STRN3: variants seen among roughly 807,000 people sequenced by gnomAD.
The protein encoded by STRN3 is striatin 3, also known as striatin-3.
STRN3 carries 29 observed loss-of-function variants against 95.6 expected under a neutral mutation model. The ratio of observed to expected loss-of-function variants is 0.30; its 90% CI spans 0.23 to 0.41. STRN3 has a LOEUF of 0.41. Among genes scored for constraint, STRN3 ranks in the 10% least tolerant of loss-of-function variants. The pLI is 1.00. For missense variants in STRN3, 890 were observed against 972.1 expected (o/e 0.92, Z 1.12); for synonymous variants, 331 against 357.6 (o/e 0.93, Z 0.84).
chr14:30,932,500 A>C (rs1230437424), intron 7 of STRN3: 2 of 152,148 alleles, frequency 1.3e-5, no homozygotes, highest in East Asian at 3.8e-4. Flanking sequence ...ACGATCTTGT[A>C]CTTAAATGAG....
intron 2 of STRN3, among the ~76,000 whole-genome samples, 159 bp from the exon 3 acceptor site, chr14:30,955,852 G>T (rs1456774388): frequency 1.3e-5 from 2 of 151,980 alleles, no homozygotes; most frequent in Non-Finnish European, 2.9e-5. Flanking sequence ...GAAAAAAAAG[G>T]TAAGTTTCCC....
intron 15 of STRN3, among the ~76,000 whole-genome samples, chr14:30,903,127 T>C (rs1245540028): frequency 7.2e-5 from 11 of 152,124 alleles, no homozygotes. Context: ...TCTTACTAAC[T>C]TTTTATTAAA....
chr14:30,961,344 T>C (rs545202953), intron 1 of STRN3, among the ~76,000 whole-genome samples: 21 of 152,190 alleles, frequency 1.4e-4, no homozygotes, highest in Admixed American at 1.0e-3. Flanking sequence ...AAGAACATTA[T>C]ATACAGTCAT....
At chr14:30,932,751 C>T (rs1297289497) in intron 7 of STRN3, among the ~76,000 whole-genome samples, 1 of 152,154 alleles carries the variant, frequency 6.6e-6, no homozygotes, top group African/African-American at 2.4e-5. Flanking sequence ...GAAATAATGC[C>T]ATTCCATATA....
At chr14:30,962,005 T>C (rs996081211) in intron 1 of STRN3, among the ~76,000 whole-genome samples, 3 of 152,142 alleles carry the variant, frequency 2.0e-5, no homozygotes, top group Non-Finnish European at 2.9e-5. Flanking sequence ...GAAGAAGATA[T>C]TGTTGTCATG....
chr14:30,924,285 A>ATTTTTTTTTTTTTTTT (rs1566438140), intron 8 of STRN3, among the ~76,000 whole-genome samples: 2 of 33,558 alleles, frequency 6.0e-5, no homozygotes, highest in African/African-American at 2.0e-4. Context: ...CATGCCTTAA[A>ATTTTTTTTTTTTTTTT]TCTTTTTTTT....
intron 1 of STRN3, among the ~76,000 whole-genome samples, chr14:31,008,323 T>C (rs1293458272): frequency 6.6e-6 from 1 of 151,344 alleles, no homozygotes; most frequent in Non-Finnish European, 1.5e-5. Flanking sequence ...AGCCTATACA[T>C]CATGGCAAAA....
chr14:30,949,629 A>C (rs1331715269), intron 4 of STRN3, among the ~76,000 whole-genome samples: 1 of 151,928 alleles, frequency 6.6e-6, no homozygotes, highest in Non-Finnish European at 1.5e-5. Context: ...GGTGATAGTG[A>C]GCAGAGATTG....
intron 8 of STRN3, among the ~76,000 whole-genome samples, chr14:30,925,098 A>AC (rs1314824687): frequency 1.3e-5 from 2 of 152,168 alleles, no homozygotes; most frequent in Admixed American, 1.3e-4. Context: ...ACTGACTCTT[A>AC]GAGTACTAAT....
At chr14:30,905,836 T>C (rs1896447335) in intron 14 of STRN3, among the ~76,000 whole-genome samples, 1 of 152,240 alleles carries the variant, frequency 6.6e-6, no homozygotes, top group Admixed American at 6.5e-5. Context: ...ATTTGTTCTA[T>C]TACACGTTTT....
At chr14:31,007,256 C>T (rs1055838978) in intron 1 of STRN3, among the ~76,000 whole-genome samples, 1 of 152,162 alleles carries the variant, frequency 6.6e-6, no homozygotes, top group African/African-American at 2.4e-5. Flanking sequence ...AAGTCTACAT[C>T]AGAGCAAGAG....
At chr14:30,967,675 A>C (rs1242565040) in intron 1 of STRN3, among the ~76,000 whole-genome samples, 1 of 152,264 alleles carries the variant, frequency 6.6e-6, no homozygotes, top group East Asian at 1.9e-4. Flanking sequence ...AGGAAACCCC[A>C]TTGTGAGCAC....
chr14:30,917,552 A>AT (rs1398180358), intron 9 of STRN3, among the ~76,000 whole-genome samples: 1 of 149,272 alleles, frequency 6.7e-6, no homozygotes, highest in East Asian at 1.9e-4. Context: ...AATGCATAAA[A>AT]TTAAAAAAAA....
At chr14:30,923,224 T>A (rs1896928460) in intron 8 of STRN3, among the ~76,000 whole-genome samples, 1 of 152,212 alleles carries the variant, frequency 6.6e-6, no homozygotes. Context: ...TTTTGGATAT[T>A]TGGCTTCAAG....
chr14:30,984,849 T>G (rs990514020), intron 1 of STRN3, among the ~76,000 whole-genome samples: 1 of 152,108 alleles, frequency 6.6e-6, no homozygotes, highest in Non-Finnish European at 1.5e-5. Context: ...ATTTTGACAT[T>G]CAGAACTCTA....
At chr14:30,946,976 T>C (rs1879391691) in intron 5 of STRN3, 114 bp downstream of exon 5, 3 of 674,780 alleles carry the variant, frequency 4.4e-6, no homozygotes, top group Non-Finnish European at 6.5e-6. Flanking sequence ...CAAGACTCCG[T>C]GTCAAAAAAA....
chr14:30,990,223 C>T (rs901650827), intron 1 of STRN3, among the ~76,000 whole-genome samples: 9 of 149,950 alleles, frequency 6.0e-5, no homozygotes, highest in Non-Finnish European at 1.0e-4. Context: ...AGTACAGTGG[C>T]GCAATCTCGG....
At chr14:30,975,608 A>G (rs1052329096) in intron 1 of STRN3, among the ~76,000 whole-genome samples, 9 of 152,062 alleles carry the variant, frequency 5.9e-5, no homozygotes, top group Middle Eastern at 3.4e-3. Context: ...AAGAAAAAAG[A>G]AAAGAAAGAG....
At chr14:30,929,967 A>AAAAAAAAAAACAAAAAC (rs1878430947) in intron 7 of STRN3, among the ~76,000 whole-genome samples, 3 of 91,122 alleles carry the variant, frequency 3.3e-5, no homozygotes, top group Admixed American at 2.7e-4. Context: ...AAAAAAAAAA[A>AAAAAAAAAAACAAAAAC]AAAAAAAAAA....
Sources: allele counts gnomAD v4.1 joint callset (sites outside exome capture counted in the v4.1 genomes callset), GRCh38; gene constraint gnomAD v4.1.1; transcripts MANE v1.5; gene names NCBI Gene and HGNC (gene_info 2026-07-23, HGNC 2026-07-21).